SLC2A13: variants seen among roughly 807,000 people sequenced by gnomAD.
The protein encoded by SLC2A13 is solute carrier family 2 member 13, also known as proton myo-inositol cotransporter.
Under a neutral mutation model 64.4 loss-of-function variants are expected in SLC2A13, and 32 were observed. The ratio of observed to expected loss-of-function variants is 0.50; its 90% CI spans 0.37 to 0.67. The LOEUF (loss-of-function observed/expected upper bound fraction) is 0.67. Among genes scored for constraint, SLC2A13 ranks in the 30% least tolerant of loss-of-function variants. The probability of loss-of-function intolerance (pLI) is 0.00; values close to 1 mark genes in which losing one functional copy is unlikely to be tolerated. For missense variants in SLC2A13, 743 were observed against 829.2 expected, an observed-to-expected ratio of 0.90 and a Z score of 1.28; for synonymous variants, 338 against 327.1, an observed-to-expected ratio of 1.03 and a Z score of -0.36.
intron 3 of SLC2A13, among the ~76,000 whole-genome samples, chr12:39,973,734 T>A (rs1033918402): frequency 3.3e-5 from 5 of 152,208 alleles, no homozygotes; most frequent in Admixed American, 3.3e-4. Flanking sequence ...TTAAATCTAA[T>A]CACTTAGGCT....
chr12:39,862,861 T>C (rs1943798191), intron 6 of SLC2A13, among the ~76,000 whole-genome samples: 1 of 152,192 alleles, frequency 6.6e-6, no homozygotes, highest in African/African-American at 2.4e-5. Context: ...TTAGGAACAT[T>C]CCAATTCTAC....
chr12:39,927,155 A>C (rs1364424701), intron 4 of SLC2A13, among the ~76,000 whole-genome samples: 1 of 152,214 alleles, frequency 6.6e-6, no homozygotes, highest in Non-Finnish European at 1.5e-5. Flanking sequence ...TCTACAGTTC[A>C]TGTATCATAA....
In SLC2A13 at chr12:39,899,681, T is replaced by C. The variant is rs544767219; in HGVS notation, c.1035-27720A>G. Among the ~76,000 whole-genome samples the C allele has an allele frequency of 2.0e-5, 3 of 152,254 alleles. No homozygotes were observed. In the East Asian group the frequency reaches 5.8e-4, roughly 29 times the overall value. Reference sequence around the variant, plus strand: ...GTCCCAGAGATTCTGGTATGTTGTGTCTTTGTTCTCGTTGGTTTCAAAGAA... The same window carrying C: ...GTCCCAGAGATTCTGGTATGTTGTGCCTTTGTTCTCGTTGGTTTCAAAGAA... On this transcript the variant is annotated intron_variant, in intron 4 of 9. Transcript: ENST00000280871.
In SLC2A13 at chr12:39,756,168, T is replaced by A. The variant is rs1222088020; in HGVS notation, c.*3858A>T. Reference sequence around the variant, plus strand: ...GTGACAGAAAACAGGATGTAAAAATTAATCCACAGAACAATTCTGAGCCTT... The same window carrying A: ...GTGACAGAAAACAGGATGTAAAAATAAATCCACAGAACAATTCTGAGCCTT... On this transcript the variant is annotated 3_prime_UTR_variant, in exon 10 of 10. Transcript: ENST00000280871. 1 of 151,946 alleles carries A rather than the reference T, an allele frequency of 6.6e-6. No individual in the cohort carries two copies. The highest frequency in any genetic ancestry group is 1.5e-5 in the Non-Finnish European group (1 of 67,794). 9.4% of individuals were successfully genotyped at this position (151,946 alleles called of 1,614,324 possible).
At chr12:40,044,623 T>C (rs946453492) in intron 2 of SLC2A13, among the ~76,000 whole-genome samples, 5 of 152,206 alleles carry the variant, frequency 3.3e-5, no homozygotes, top group Admixed American at 1.3e-4. Flanking sequence ...AATAGCAACA[T>C]TGATTCTGCT....
chr12:39,949,974 A>C (rs1946200548), intron 4 of SLC2A13: 1 of 152,198 alleles, frequency 6.6e-6, no homozygotes, highest in African/African-American at 2.4e-5. Context: ...GCCTTAATAG[A>C]GCTGGTAAAG....
intron 7 of SLC2A13, among the ~76,000 whole-genome samples, chr12:39,804,000 A>G (rs2135790939): frequency 6.6e-6 from 1 of 152,296 alleles, no homozygotes. Context: ...GATACAGTAC[A>G]GGAAGAAGAA....
chr12:40,100,476 T>C (rs1939106913), intron 1 of SLC2A13, among the ~76,000 whole-genome samples: 1 of 152,218 alleles, frequency 6.6e-6, no homozygotes, highest in African/African-American at 2.4e-5. Context: ...CTCTTGTACT[T>C]TGTGTTTTCT....
chr12:39,842,713 T>A (rs1048013236), intron 6 of SLC2A13, among the ~76,000 whole-genome samples: 2 of 152,062 alleles, frequency 1.3e-5, no homozygotes, highest in Admixed American at 6.6e-5. Context: ...TCTACAAGCA[T>A]CACCACTATC....
At chr12:39,962,457 C>CA (rs906873020) in intron 3 of SLC2A13, among the ~76,000 whole-genome samples, 3 of 152,072 alleles carry the variant, frequency 2.0e-5, no homozygotes, top group African/African-American at 7.2e-5. Context: ...CATATAGAGA[C>CA]AAAAAAATCA....
In SLC2A13 at chr12:40,067,472, C is replaced by A. The variant is rs940469254; in HGVS notation, c.557-19262G>T. Among the ~76,000 whole-genome samples, 7 of 152,186 alleles carry A rather than the reference C, an allele frequency of 4.6e-5. No homozygotes were observed. In the East Asian group the frequency reaches 1.2e-3, roughly 25 times the overall value. On this transcript the variant is annotated intron_variant, in intron 1 of 9. Coordinates refer to ENST00000280871, the MANE Select transcript of SLC2A13 (RefSeq NM_052885.4). The stretch of plus-strand genomic sequence containing the variant: ...CATGTTTATTTGAAAGAACTTTACT[C>A]TTTAGTAATAAAATGAGTATATTAT...
At chr12:39,782,964 G>A (rs1376985101) in intron 7 of SLC2A13, among the ~76,000 whole-genome samples, 1 of 152,094 alleles carries the variant, frequency 6.6e-6, no homozygotes, top group Non-Finnish European at 1.5e-5. Context: ...TTGGTGTGCT[G>A]CACCCATTAA....
chr12:40,012,764 A>G (rs1467446094), intron 3 of SLC2A13, among the ~76,000 whole-genome samples: 3 of 152,222 alleles, frequency 2.0e-5, no homozygotes, highest in Non-Finnish European at 4.4e-5. Context: ...ATATTGGTTC[A>G]GTAATGTTCA....
At chr12:39,829,770 G>A (rs1350229497) in intron 7 of SLC2A13, 4 of 269,450 alleles carry the variant, frequency 1.5e-5, no homozygotes, top group East Asian at 1.7e-4. Context: ...AAGCTTGGGA[G>A]TTTGGAAATA....
chr12:39,756,915 T>C lies in SLC2A13; in HGVS notation c.*3111A>G, dbSNP rs926946198. On this transcript the variant is annotated 3_prime_UTR_variant, in exon 10 of 10. Transcript: ENST00000280871. ...CTCATAGCATTTTGTATCAGGGAAC[T>C]ACTGTGTATGGCTGGGAACAAAATT... The C allele has an allele frequency of 6.6e-6, 1 of 151,634 alleles. No homozygotes were observed. Among genetic ancestry groups the C allele is most frequent in the African/African-American group, 2.4e-5 (1 of 41,404 alleles). The allele number at this position is 151,634 out of a possible 1,614,324, so 9.4% of individuals were successfully genotyped here. A position where few individuals can be genotyped will look rare whatever the true frequency, so the allele number is the denominator to read the frequency against.
chr12:40,047,934 TA>T (rs1341544940), intron 2 of SLC2A13, 116 bp downstream of exon 2: 8 of 971,648 alleles, frequency 8.2e-6, no homozygotes, highest in Non-Finnish European at 1.0e-5. Flanking sequence ...CACCTACTTA[TA>T]AATTAGCAAT....
At chr12:40,022,584 C>G (rs1051820794) in intron 3 of SLC2A13, among the ~76,000 whole-genome samples, 3 of 152,190 alleles carry the variant, frequency 2.0e-5, no homozygotes, top group African/African-American at 4.8e-5. Context: ...TGCCTGTAAT[C>G]TTAGCACTTT....
In SLC2A13 at chr12:39,760,107, A is replaced by G. The variant is rs753441539; in HGVS notation, c.1866T>C (p.Asp622=). ...GAATATATTCAATATATCTCCCTTC[A>G]TCAGAATCTGAAGTGCCACATGTAC... ...RLCTCGTSDS[D]EGRYIEYIRV... Residue 622 remains aspartate (D), a synonymous_variant, in exon 10 of 10, where the codon GAT becomes GAC. Transcript: ENST00000280871. The G allele has an allele frequency of 6.8e-6, 11 of 1,612,826 alleles. No individual in the cohort carries two copies. The African/African-American group carries it at 9.4e-5, about 14-fold the overall frequency.
intron 7 of SLC2A13, among the ~76,000 whole-genome samples, chr12:39,807,859 G>T (rs542120419): frequency 6.6e-6 from 1 of 152,242 alleles, no homozygotes; most frequent in South Asian, 2.1e-4. Flanking sequence ...GTGATGAAAA[G>T]TGTCATCAAA....
Sources: gnomAD v4.1 joint callset for allele counts (sites outside exome capture counted in the v4.1 genomes callset) on GRCh38, gnomAD v4.1.1 for gene constraint, MANE v1.5 for transcripts, NCBI Gene and HGNC (gene_info 2026-07-23, HGNC 2026-07-21) for gene names.